The following FAM83E variants were observed in gnomAD, a reference collection of about 807,000 sequenced individuals.
FAM83E encodes scaffolding CK1 anchoring protein E, also known as protein FAM83E.
A neutral mutation model predicts 34.3 loss-of-function variants in FAM83E; 29 were observed. The ratio of observed to expected loss-of-function variants is 0.85; its 90% CI spans 0.63 to 1.15. FAM83E has a LOEUF of 1.15. Ranked by LOEUF, FAM83E falls within the 50% of genes most tolerant of loss-of-function variation. The pLI is 0.00. For synonymous variants in FAM83E, 312 were observed against 311.6 expected, an observed-to-expected ratio of 1.00 and a Z score of -0.01; for missense variants, 697 against 685.0, an observed-to-expected ratio of 1.02 and a Z score of -0.20.
Position 48,613,904 on chromosome 19 carries a change from G to A in FAM83E, c.-532C>T, listed in dbSNP as rs1407414649. 1.0e-6 allele frequency: 1 copy of A among 985,276 alleles called. No homozygotes were observed. The highest frequency in any genetic ancestry group is 1.1e-4 in the East Asian group (1 of 8,826). 61.0% of individuals were successfully genotyped at this position (985,276 alleles called of 1,614,324 possible). On this transcript the variant is annotated 5_prime_UTR_variant, in exon 3 of 7. It introduces an in-frame stop codon into an upstream open reading frame of the 5' UTR. Transcript: ENST00000263266. The stretch of plus-strand genomic sequence containing the variant: ...AAGGTCCTTAAAGGCACGACAGGTT[G>A]CCTGCCTGCCCCCGGCCAAGAGCAC...
At chr19:48,606,816 C>T (rs1170529717) in intron 5 of FAM83E, 11 of 805,864 alleles carry the variant, frequency 1.4e-5, no homozygotes, top group Admixed American at 2.9e-5. Flanking sequence ...GGACGCAGGG[C>T]GTTGGGAACA....
chr19:48,610,098 C>G, intron 4 of FAM83E, 98 bp from the exon 5 acceptor site: 1 of 1,474,072 alleles, frequency 6.8e-7, no homozygotes, highest in Non-Finnish European at 9.1e-7. Context: ...CCCATGACTC[C>G]ATAGAAGTAT....
At chr19:48,603,946 ACCCTGAGGGCCCAG>A in intron 5 of FAM83E, 35 bp from the exon 6 acceptor site, 1 of 1,577,034 alleles carries the variant, frequency 6.3e-7, no homozygotes, top group Non-Finnish European at 8.6e-7. Context: ...AGAGTCTCCA[ACCCTGAGGGCCCAG>A]CCCGGCCCCC....
At chr19:48,602,428 C>G (rs926465593) in intron 6 of FAM83E, among the ~76,000 whole-genome samples, 29 of 150,814 alleles carry the variant, frequency 1.9e-4, no homozygotes, top group Admixed American at 1.0e-3. Context: ...AACCTGGGAC[C>G]CCCTAACCTA....
intron 5 of FAM83E, 43 bp downstream of exon 5, chr19:48,609,833 G>C: frequency 8.1e-6 from 13 of 1,600,356 alleles, no homozygotes; most frequent in Non-Finnish European, 1.1e-5. Context: ...GGGAAAGTGG[G>C]GTATAGGACG....
intron 5 of FAM83E, chr19:48,607,497 G>A: frequency 1.7e-6 from 2 of 1,151,368 alleles, no homozygotes; most frequent in Middle Eastern, 3.0e-4. Context: ...CTGTCCACCA[G>A]GAGCCCGGTG....
At chr19:48,611,802 CCT>C (rs1344233083) in intron 3 of FAM83E, among the ~76,000 whole-genome samples, 4 of 152,184 alleles carry the variant, frequency 2.6e-5, no homozygotes, top group Admixed American at 2.0e-4. Context: ...AACAGCGTCC[CCT>C]GAGCTGCGAC....
At chr19:48,606,973 G>A in intron 5 of FAM83E, 1 of 1,602,234 alleles carries the variant, frequency 6.2e-7, no homozygotes, top group Non-Finnish European at 8.5e-7. Context: ...ACGCCGCCAG[G>A]CCGCCATGGT....
At position 48,614,264 on chromosome 19, in the gene FAM83E, C is replaced by G. The variant is rs2147651329; in HGVS notation, c.-892G>C. On this transcript the variant is annotated 5_prime_UTR_variant, in exon 3 of 7. Transcript: ENST00000263266. The stretch of plus-strand genomic sequence containing the variant: ...CATTACTATGGGACAGGTCTATGAT[C>G]TTCACAGCCCATCTAGGTGTGAGTG... The G allele has an allele frequency of 1.0e-6, 1 of 985,522 alleles. No individual in the cohort carries two copies. Among genetic ancestry groups the G allele is most frequent in the Middle Eastern group, 5.2e-4 (1 of 1,918 alleles). The allele number at this position is 985,522 out of a possible 1,614,324, so 61.0% of individuals were successfully genotyped here. A position where few individuals can be genotyped will look rare whatever the true frequency, so the allele number is the denominator to read the frequency against.
intron 5 of FAM83E, among the ~76,000 whole-genome samples, chr19:48,605,235 T>C (rs1973906504): frequency 3.3e-5 from 5 of 152,040 alleles, no homozygotes; most frequent in Admixed American, 3.3e-4. Context: ...CACCAAGCTC[T>C]CCACGTTGCT....
At chr19:48,605,981 A>G (rs915811251) in intron 5 of FAM83E, among the ~76,000 whole-genome samples, 6 of 152,134 alleles carry the variant, frequency 3.9e-5, no homozygotes, top group Non-Finnish European at 8.8e-5. Flanking sequence ...CCGGTGCCCT[A>G]ACACTTCCTG....
rs1029142100 is a variant in FAM83E, at chr19:48,609,982, C to T, written c.652G>A (p.Val218Met). ...CGGCTCTGGAAGCTGCAGCCCCGCACGACACGGACATCCACGTTCTGTTGG... is the reference window on the plus strand; with the variant it reads ...CGGCTCTGGAAGCTGCAGCCCCGCATGACACGGACATCCACGTTCTGTTGG... ...WNTENVDVRV[V>M]RGCSFQSRWR... Residue 218 changes from valine (V) to methionine (M), a missense_variant, in exon 5 of 7, where the codon GTG becomes ATG. Transcript: ENST00000263266. 20 of 1,612,482 alleles carry T rather than the reference C, an allele frequency of 1.2e-5. No individual in the cohort carries two copies. The highest frequency in any genetic ancestry group is 1.2e-4 in the Admixed American group (7 of 60,000).
Position 48,601,205 on chromosome 19 carries a change from C to G in FAM83E, c.1341G>C (p.Arg447Ser). Residue 447 changes from arginine to serine, a missense_variant, in exon 7 of 7, where the codon AGG becomes AGC. Arg to Ser is a moderately radical substitution (Grantham distance 110). Coordinates refer to ENST00000263266, the MANE Select transcript of FAM83E (RefSeq NM_017708.4). ...HRLRYLSPAR[R>S]RFGGDATFKL... ...TGAATGTAGCATCCCCACCGAACCG[C>G]CTTCGGGCTGGGGACAGATAGCGGA... 6.2e-7 allele frequency: 1 copy of G among 1,611,930 alleles called. No individual in the cohort carries two copies. The highest frequency in any genetic ancestry group is 1.3e-5 in the African/African-American group (1 of 75,016).
Position 48,613,561 on chromosome 19 carries a change from C to G in FAM83E, c.-189G>C. On this transcript the variant is annotated 5_prime_UTR_variant, in exon 3 of 7. Transcript: ENST00000263266. Reference sequence around the variant, plus strand: ...AGCAGCCCCTGCCACACTGTTCTGACAATCACGCTGCCCAAATAAGCGACC... The same window carrying G: ...AGCAGCCCCTGCCACACTGTTCTGAGAATCACGCTGCCCAAATAAGCGACC... 2 of 1,411,656 alleles carry G rather than the reference C, an allele frequency of 1.4e-6. No individual in the cohort carries two copies. Among genetic ancestry groups the G allele is most frequent in the Non-Finnish European group, 1.8e-6 (2 of 1,087,842 alleles). 87.4% of individuals were successfully genotyped at this position (1,411,656 alleles called of 1,614,324 possible). A position where few individuals can be genotyped will look rare whatever the true frequency, so the allele number is the denominator to read the frequency against.
In FAM83E at chr19:48,610,328, G is replaced by A. The variant is rs533577786; in HGVS notation, c.634-328C>T. Reference sequence around the variant, plus strand: ...GCAGGAGAATCGTTTGAACCCGGGAGGTGGAGGTTGCAGTGAGCCGAGATC... The same window carrying A: ...GCAGGAGAATCGTTTGAACCCGGGAAGTGGAGGTTGCAGTGAGCCGAGATC... On this transcript the variant is annotated intron_variant, in intron 4 of 6. Transcript: ENST00000263266. Among the ~76,000 whole-genome samples the A allele has an allele frequency of 1.8e-4, 27 of 150,862 alleles. No individual in the cohort carries two copies. The East Asian group carries it at 4.9e-3, about 27-fold the overall frequency.
chr19:48,608,319 C>A (rs1001939896), intron 5 of FAM83E, among the ~76,000 whole-genome samples: 4 of 151,912 alleles, frequency 2.6e-5, no homozygotes, highest in African/African-American at 9.7e-5. Context: ...TGCTATGTTG[C>A]CCAGGCTGGT....
chr19:48,614,715 G>C lies in FAM83E; in HGVS notation c.-1263C>G, dbSNP rs1298355401. On this transcript the variant is annotated 5_prime_UTR_variant, in exon 2 of 7. Transcript: ENST00000263266. The stretch of plus-strand genomic sequence containing the variant: ...CCCATCGCCGGGGCTCACCCACACC[G>C]GCTAGTGCCGGGCTCAATGGCCTCC... 1.1e-6 allele frequency: 1 copy of C among 879,550 alleles called. No homozygotes were observed. The highest frequency in any genetic ancestry group is 1.3e-6 in the Non-Finnish European group (1 of 743,496). The allele number at this position is 879,550 out of a possible 1,614,324, so 54.5% of individuals were successfully genotyped here. A position where few individuals can be genotyped will look rare whatever the true frequency, so the allele number is the denominator to read the frequency against.
intron 3 of FAM83E, among the ~76,000 whole-genome samples, chr19:48,612,486 C>A (rs1002549984): frequency 1.3e-5 from 2 of 151,664 alleles, no homozygotes; most frequent in South Asian, 2.1e-4. Flanking sequence ...CTCACTGCAA[C>A]CTCCGCCTCC....
rs973848013 is a variant in FAM83E at position 48,614,164 on chromosome 19, G to A, written c.-792C>T. On this transcript the variant is annotated 5_prime_UTR_variant, in exon 3 of 7. Transcript: ENST00000263266. ...ACCCTTCCCTACCCTGTCAATGGGG[G>A]ACCCTGCTCCCTGGACCCTCCTCAC... is the stretch of plus-strand genomic sequence containing the variant. 2.0e-6 allele frequency: 2 copies of A among 984,062 alleles called. No homozygotes were observed. The highest frequency in any genetic ancestry group is 2.4e-6 in the Non-Finnish European group (2 of 828,732). 61.0% of individuals were successfully genotyped at this position (984,062 alleles called of 1,614,324 possible). A position where few individuals can be genotyped will look rare whatever the true frequency, so the allele number is the denominator to read the frequency against.
Sources: allele counts gnomAD v4.1 joint callset (sites outside exome capture counted in the v4.1 genomes callset), GRCh38; gene constraint gnomAD v4.1.1; transcripts MANE v1.5; gene names NCBI Gene and HGNC (gene_info 2026-07-23, HGNC 2026-07-21).